The following PKN3 variants were observed in gnomAD, a reference collection of about 807,000 sequenced individuals.
The protein encoded by PKN3 is serine/threonine-protein kinase N3.
PKN3 carries 91 observed loss-of-function variants against 113.1 expected under a neutral mutation model. The observed-to-expected ratio is 0.80, with a 90% CI of 0.68 to 0.96. PKN3 has a LOEUF of 0.96. Ranked by LOEUF, PKN3 falls within the 40% of genes least tolerant of loss-of-function variation. The pLI is 0.00. For synonymous variants in PKN3, 467 were observed against 499.0 expected (o/e 0.94, Z 0.85); for missense variants, 1,052 against 1,202.2 (o/e 0.88, Z 1.85).
chr9:128,716,866 C>CTGG lies in PKN3; in HGVS notation c.1934_1936dup (p.Gly645dup). 6.2e-7 allele frequency: 1 copy of CTGG among 1,614,070 alleles called. No homozygotes were observed. The highest frequency in any genetic ancestry group is 8.5e-7 in the Non-Finnish European group (1 of 1,180,008). On this transcript the variant is annotated inframe_insertion, in exon 16 of 22. Coordinates refer to ENST00000291906, the MANE Select transcript of PKN3 (RefSeq NM_013355.5). ...GCCTGCTTTGTGACTGAGTTTGTGC[C>CTGG]TGGTGGTGACCTCATGATGCAGATC...
At chr9:128,706,411 G>C (rs1038921687) in intron 3 of PKN3, among the ~76,000 whole-genome samples, 4 of 151,100 alleles carry the variant, frequency 2.6e-5, no homozygotes, top group African/African-American at 9.7e-5. Flanking sequence ...TCTGATGGGG[G>C]AGAGTTAGCC....
chr9:128,718,052 G>T (rs952955052), intron 16 of PKN3, among the ~76,000 whole-genome samples: 1 of 151,578 alleles, frequency 6.6e-6, no homozygotes, highest in African/African-American at 2.4e-5. Context: ...AAAAAAATAG[G>T]CATGATGAAT....
intron 6 of PKN3, 57 bp from the exon 7 acceptor site, chr9:128,712,995 G>C: frequency 7.8e-6 from 12 of 1,537,774 alleles, no homozygotes; most frequent in Non-Finnish European, 1.1e-5. Flanking sequence ...AGGACACCTT[G>C]GTGGTAGCAG....
At chr9:128,705,984 C>A in intron 3 of PKN3, 105 bp downstream of exon 3, 1 of 1,181,506 alleles carries the variant, frequency 8.5e-7, no homozygotes, top group Non-Finnish European at 1.2e-6. Flanking sequence ...CAGCCTGCAG[C>A]CTGATGGGGA....
rs1027109505 is a variant in PKN3, at chr9:128,718,243, G to T, written c.1986-82G>T. 10 of 1,057,246 alleles carry T rather than the reference G, an allele frequency of 9.5e-6. No homozygotes were observed. The African/African-American group carries it at 1.2e-4, about 13-fold the overall frequency. 65.5% of individuals were successfully genotyped at this position (1,057,246 alleles called of 1,614,324 possible). A position where few individuals can be genotyped will look rare whatever the true frequency, so the allele number is the denominator to read the frequency against. Reference sequence around the variant, plus strand: ...TGGCCGGGACATCCGGGATCCCCCCGCTATGGCCATCCTGGTGCCTCCCTG... The same window carrying T: ...TGGCCGGGACATCCGGGATCCCCCCTCTATGGCCATCCTGGTGCCTCCCTG... On this transcript the variant is annotated intron_variant, in intron 16 of 21. Coordinates refer to ENST00000291906, the MANE Select transcript of PKN3 (RefSeq NM_013355.5).
In PKN3 at chr9:128,705,856, A is replaced by T; in HGVS notation, c.388A>T (p.Thr130Ser). 6.2e-7 allele frequency: 1 copy of T among 1,601,198 alleles called. No individual in the cohort carries two copies. Among genetic ancestry groups the T allele is most frequent in the Non-Finnish European group, 8.5e-7 (1 of 1,171,810 alleles). Reference protein sequence around the residue: ...VKQGAENMTHTCASGTPKERK... With the variant: ...VKQGAENMTHSCASGTPKERK... ...GCAGGGGGCTGAGAACATGACCCAC[A>T]CGTGCGCCAGTGGCACCCCCAAGGT... The change falls in exon 3 of 22, where the codon ACG (threonine) becomes TCG (serine). Residue 130 changes from threonine to serine, a missense_variant. Thr to Ser is a moderately conservative substitution (Grantham distance 58, BLOSUM62 1). This residue lies in a region of PKN3 where 719 missense variants were observed against 759.4 expected (regional missense o/e 0.95). Coordinates refer to ENST00000291906, the MANE Select transcript of PKN3 (RefSeq NM_013355.5).
intron 16 of PKN3, 104 bp from the exon 17 acceptor site, chr9:128,718,221 C>A: frequency 2.4e-6 from 2 of 844,806 alleles, no homozygotes; most frequent in Non-Finnish European, 4.1e-6. Context: ...CTGACTCTGG[C>A]CGGGACATCC....
Position 128,713,207 on chromosome 9 carries a change from G to T in PKN3, c.982+9G>T. The T allele has an allele frequency of 1.9e-6, 3 of 1,609,030 alleles. No individual in the cohort carries two copies. The highest frequency in any genetic ancestry group is 2.5e-6 in the Non-Finnish European group (3 of 1,176,482). On this transcript the variant is annotated intron_variant, in intron 7 of 21. Coordinates refer to ENST00000291906, the MANE Select transcript of PKN3 (RefSeq NM_013355.5). Reference sequence around the variant, plus strand: ...CCGAGGCGAGCTTGCCAGTGAGTAGGGAAGGAGCTTCAGGGGGAGCAGGAG... The same window carrying T: ...CCGAGGCGAGCTTGCCAGTGAGTAGTGAAGGAGCTTCAGGGGGAGCAGGAG...
intron 1 of PKN3, chr9:128,703,308 G>A: frequency 1.1e-6 from 1 of 928,670 alleles, no homozygotes; most frequent in East Asian, 1.2e-4. Flanking sequence ...GGATAGAAAG[G>A]CGGGGCACAG....
Position 128,716,843 on chromosome 9 carries a change from C to T in PKN3, c.1905C>T (p.Ala635=). ...CCTGCTTCCAGACCTCCAGCCATGC[C>T]TGCTTTGTGACTGAGTTTGTGCCTG... is the stretch of plus-strand genomic sequence containing the variant. The part of the protein sequence containing the change: ...LLACFQTSSH[A]CFVTEFVPGG... The change falls in exon 16 of 22, where the codon GCC becomes GCT. Residue 635 remains alanine, a synonymous_variant. Coordinates refer to ENST00000291906, the MANE Select transcript of PKN3 (RefSeq NM_013355.5). 5 of 1,614,102 alleles carry T rather than the reference C, an allele frequency of 3.1e-6. No individual in the cohort carries two copies. The highest frequency in any genetic ancestry group is 4.2e-6 in the Non-Finnish European group (5 of 1,180,012).
chr9:128,715,576 C>T lies in PKN3; in HGVS notation c.1808+116C>T. On this transcript the variant is annotated intron_variant, in intron 15 of 21. Transcript: ENST00000291906. The surrounding 1 kb of genome is among the most constrained non-coding windows in gnomAD (Gnocchi z 4.1). ...TGACCCCGTGGGGCCAGCCAGCCTG[C>T]ATTCTCTTTTGGCACCTGCAGTTGT... 2.8e-6 allele frequency: 2 copies of T among 702,140 alleles called. No individual in the cohort carries two copies. The highest frequency in any genetic ancestry group is 2.6e-5 in the Admixed American group (1 of 38,604). The allele number at this position is 702,140 out of a possible 1,614,324, so 43.5% of individuals were successfully genotyped here. A position where few individuals can be genotyped will look rare whatever the true frequency, so the allele number is the denominator to read the frequency against.
At chr9:128,716,596 T>TC (rs1564376827) in intron 15 of PKN3, 151 bp from the exon 16 acceptor site, 1 of 408,602 alleles carries the variant, frequency 2.4e-6, no homozygotes, top group African/African-American at 2.9e-5. Flanking sequence ...AGACTGTGTC[T>TC]CAAAAAAAAA....
chr9:128,713,345 C>T lies in PKN3; in HGVS notation c.1050C>T (p.Ala350=), dbSNP rs767319764. 9.3e-6 allele frequency: 15 copies of T among 1,614,058 alleles called. No individual in the cohort carries two copies. Among genetic ancestry groups the T allele is most frequent in the Non-Finnish European group, 2.5e-6 (3 of 1,180,006 alleles). The change falls in exon 8 of 22, where the codon GCC becomes GCT. Residue 350 remains alanine (A), a synonymous_variant. Coordinates refer to ENST00000291906, the MANE Select transcript of PKN3 (RefSeq NM_013355.5). ...GGCAGACGGGCTGGGGGCAGGTGGC[C>T]GAACAGTCCTGGGACCAGACCTTTG... The part of the protein sequence containing the change: ...VVGQTGWGQV[A]EQSWDQTFVI...
intron 1 of PKN3, chr9:128,704,009 C>T (rs1861932119): frequency 2.0e-6 from 2 of 985,330 alleles, no homozygotes; most frequent in Non-Finnish European, 2.4e-6. Flanking sequence ...TTTCCTGAGC[C>T]TCGCCCTTGC....
Position 128,705,418 on chromosome 9 carries a change from G to C in PKN3, c.140G>C (p.Arg47Pro). 6.3e-7 allele frequency: 1 copy of C among 1,593,992 alleles called. No individual in the cohort carries two copies. Among genetic ancestry groups the C allele is most frequent in the Admixed American group, 1.7e-5 (1 of 57,308 alleles). Residue 47 changes from arginine to proline, a missense_variant, in exon 2 of 22, where the codon CGC becomes CCC. Physicochemically the swap from Arg to Pro is moderately radical, Grantham distance 103 (BLOSUM62 -2). Transcript: ENST00000291906. The part of the protein sequence containing the change: ...VENLRRVATD[R>P]RHLGHVQQLL... ...AACCTGCGGCGCGTGGCCACAGACC[G>C]CCGCCACTTGGGCCATGTGCAGCAG...
In PKN3 at chr9:128,720,701, T is replaced by A; in HGVS notation, c.*95T>A. Reference sequence around the variant, plus strand: ...CCCTGCCTGGAGGTCCAGGCCTTGCTGGGTACTTCTGAGCCCTTGGGATTC... The same window carrying A: ...CCCTGCCTGGAGGTCCAGGCCTTGCAGGGTACTTCTGAGCCCTTGGGATTC... On this transcript the variant is annotated 3_prime_UTR_variant, in exon 22 of 22. Coordinates refer to ENST00000291906, the MANE Select transcript of PKN3 (RefSeq NM_013355.5). This position sits in a 1 kb window ranked among gnomAD's most constrained non-coding sequence, Gnocchi z 5.5. The A allele has an allele frequency of 6.5e-6, 7 of 1,083,562 alleles. No individual in the cohort carries two copies. Among genetic ancestry groups the A allele is most frequent in the Non-Finnish European group, 9.4e-6 (7 of 744,762 alleles). 67.1% of individuals were successfully genotyped at this position (1,083,562 alleles called of 1,614,324 possible). A position where few individuals can be genotyped will look rare whatever the true frequency, so the allele number is the denominator to read the frequency against.
At chr9:128,719,585 C>A in intron 18 of PKN3, 101 bp from the exon 19 acceptor site, 2 of 1,243,822 alleles carry the variant, frequency 1.6e-6, no homozygotes, top group Non-Finnish European at 1.1e-6. Flanking sequence ...CAGGGCAGGG[C>A]TTGGCACAGG....
At chr9:128,713,237 C>G (rs758923071) in intron 7 of PKN3, 39 bp downstream of exon 7, 3 of 1,611,262 alleles carry the variant, frequency 1.9e-6, no homozygotes, top group Non-Finnish European at 2.5e-6. Flanking sequence ...CAGGAGACCC[C>G]TGCTTCAGGC....
intron 6 of PKN3, among the ~76,000 whole-genome samples, chr9:128,712,321 CT>C (rs1862204686): frequency 6.6e-6 from 1 of 152,260 alleles, no homozygotes; most frequent in African/African-American, 2.4e-5. Context: ...ACTCTTGGGC[CT>C]GCTTCGTGTC....
Sources: gnomAD v4.1 joint callset for allele counts (sites outside exome capture counted in the v4.1 genomes callset) on GRCh38, gnomAD v4.1.1 for gene constraint, gnomAD v4.1.1 regional missense constraint, Gnocchi (gnomAD v3.1) non-coding constraint, MANE v1.5 for transcripts, NCBI Gene and HGNC (gene_info 2026-07-23, HGNC 2026-07-21) for gene names.